IFITM10: variants seen among roughly 807,000 people sequenced by gnomAD.
The protein encoded by IFITM10 is interferon induced transmembrane protein 10.
Under a neutral mutation model 19.0 loss-of-function variants are expected in IFITM10, and 17 were observed. The ratio of observed to expected loss-of-function variants is 0.90; its 90% CI spans 0.61 to 1.34. The LOEUF (loss-of-function observed/expected upper bound fraction) is 1.34, where lower values mean the gene tolerates loss of function less well. Among genes scored for constraint, IFITM10 ranks in the 40% most tolerant of loss-of-function variants. The pLI is 0.00. For missense variants in IFITM10, 306 were observed against 319.8 expected, an observed-to-expected ratio of 0.96 and a Z score of 0.33; for synonymous variants, 148 against 147.2, an observed-to-expected ratio of 1.01 and a Z score of -0.04.
intron 2 of IFITM10, among the ~76,000 whole-genome samples, chr11:1,743,390 T>C (rs538327503): frequency 1.4e-5 from 2 of 146,164 alleles, no homozygotes; most frequent in South Asian, 2.2e-4. Context: ...GATGAATGGA[T>C]GGAAGATGGA....
At chr11:1,739,620 A>T (rs1004339517) in intron 2 of IFITM10, among the ~76,000 whole-genome samples, 17 of 152,144 alleles carry the variant, frequency 1.1e-4, no homozygotes, top group Non-Finnish European at 2.1e-4. Context: ...GTGCTGTGGG[A>T]GGTGCAAGTC....
intron 1 of IFITM10, chr11:1,748,542 A>C: frequency 3.0e-5 from 5 of 164,910 alleles, no homozygotes; most frequent in Non-Finnish European, 5.2e-5. Context: ...AGAGCGGCCA[A>C]AGCACCTGCC....
chr11:1,746,157 T>C (rs960954218), intron 2 of IFITM10: 1 of 159,122 alleles, frequency 6.3e-6, no homozygotes, highest in Non-Finnish European at 1.4e-5. Flanking sequence ...ACACACACCA[T>C]GCACACATGC....
At chr11:1,743,352 TGGAG>T (rs1489733879) in intron 2 of IFITM10, among the ~76,000 whole-genome samples, 2 of 144,080 alleles carry the variant, frequency 1.4e-5, no homozygotes, top group South Asian at 2.2e-4. Context: ...GATGGATGGA[TGGAG>T]GATGGACAGA....
intron 2 of IFITM10, among the ~76,000 whole-genome samples, chr11:1,742,990 T>TATGGGTGG (rs1554961301): frequency 1.5e-5 from 2 of 131,298 alleles, no homozygotes; most frequent in African/African-American, 5.6e-5. Context: ...TGGATGGACA[T>TATGGGTGG]ATGGATGGAT....
At chr11:1,746,611 G>A (rs1195649164) in intron 2 of IFITM10, 2 of 398,526 alleles carry the variant, frequency 5.0e-6, no homozygotes, top group Admixed American at 4.4e-5. Context: ...AACGCCGACC[G>A]CAGTTGCGAT....
chr11:1,744,291 A>T (rs1845611542), intron 2 of IFITM10: 1 of 152,266 alleles, frequency 6.6e-6, no homozygotes, highest in African/African-American at 2.4e-5. Flanking sequence ...TGGCTGGGGC[A>T]GGACTGTCTC....
rs1851129277 is a variant in IFITM10 at position 1,740,064 on chromosome 11, G to A, written c.538-4635C>T. On this transcript the variant is annotated intron_variant, in intron 2 of 2. Coordinates refer to ENST00000340134, the MANE Select transcript of IFITM10 (RefSeq NM_001170820.4). ...CGCCTGTAATCCCAGCACTTTGGGA[G>A]GCCAAGGCAGGCAGATCATGAGGTC... 1.3e-5 allele frequency among the ~76,000 whole-genome samples: 2 copies of A among 152,160 alleles called. 1 individual carries two copies. Among genetic ancestry groups the A allele is most frequent in the South Asian group, 4.1e-4 (2 of 4,830 alleles).
intron 1 of IFITM10, 174 bp from the exon 2 acceptor site, chr11:1,748,293 G>A (rs533275086): frequency 1.1e-5 from 5 of 462,962 alleles, no homozygotes; most frequent in South Asian, 1.4e-4. Flanking sequence ...GGCCACGGAC[G>A]ATGCCAAAGC....
chr11:1,744,709 T>G (rs1845616467), intron 2 of IFITM10: 1 of 152,440 alleles, frequency 6.6e-6, no homozygotes, highest in Non-Finnish European at 1.5e-5. Flanking sequence ...ACTGTCTAGT[T>G]CATACCACTG....
chr11:1,745,666 C>G (rs898930986), intron 2 of IFITM10: 2 of 152,404 alleles, frequency 1.3e-5, no homozygotes, highest in African/African-American at 4.8e-5. Context: ...GAACCACACA[C>G]GTGTGATTAC....
intron 1 of IFITM10, 124 bp downstream of exon 1, chr11:1,750,235 T>A: frequency 6.6e-7 from 1 of 1,506,358 alleles, no homozygotes; most frequent in Non-Finnish European, 9.0e-7. Context: ...CGCCAGCTGA[T>A]CTTCCATCCC....
chr11:1,746,560 C>T (rs138472254), intron 2 of IFITM10: 17 of 398,602 alleles, frequency 4.3e-5, no homozygotes, highest in Admixed American at 1.3e-4. Flanking sequence ...CAGTGGGCAA[C>T]GCCGGGGTTG....
intron 1 of IFITM10, chr11:1,748,520 G>C (rs1281883523): frequency 3.8e-5 from 7 of 185,278 alleles, no homozygotes; most frequent in Admixed American, 3.1e-4. Context: ...GCCGCCAACC[G>C]GCAGAGCTAG....
At chr11:1,745,397 C>T (rs1845627257) in intron 2 of IFITM10, 1 of 152,272 alleles carries the variant, frequency 6.6e-6, no homozygotes, top group Non-Finnish European at 1.5e-5. Context: ...GCTTTCTGCT[C>T]AGGATTGGTC....
chr11:1,738,216 T>G (rs889340779), intron 2 of IFITM10, among the ~76,000 whole-genome samples: 5 of 152,008 alleles, frequency 3.3e-5, no homozygotes, highest in Non-Finnish European at 7.4e-5. Context: ...AGAGCTGAAT[T>G]TATGAATACA....
In IFITM10 at chr11:1,747,577, G is replaced by A; in HGVS notation, c.537+90C>T. The A allele has an allele frequency of 7.7e-6, 9 of 1,167,562 alleles. No homozygotes were observed. The South Asian group carries it at 1.3e-4, about 17-fold the overall frequency. The allele number at this position is 1,167,562 out of a possible 1,614,324, so 72.3% of individuals were successfully genotyped here. A position where few individuals can be genotyped will look rare whatever the true frequency, so the allele number is the denominator to read the frequency against. On this transcript the variant is annotated intron_variant, in intron 2 of 2. Transcript: ENST00000340134. ...TTCTACCCGTGTGCTCCCCTGAGAG[G>A]GAGAGGGGCCGAGCGCCCACAGCCA...
intron 2 of IFITM10, among the ~76,000 whole-genome samples, chr11:1,743,179 G>A (rs1017855337): frequency 6.6e-6 from 1 of 151,562 alleles, no homozygotes; most frequent in African/African-American, 2.4e-5. Context: ...ATGGACAGAT[G>A]AAGAATGGAC....
intron 1 of IFITM10, 112 bp downstream of exon 1, chr11:1,750,247 A>T (rs898858146): frequency 2.0e-6 from 3 of 1,529,050 alleles, no homozygotes; most frequent in Non-Finnish European, 2.7e-6. Context: ...TTCCATCCCC[A>T]TAACAGTCCC....
Sources: allele counts gnomAD v4.1 joint callset (sites outside exome capture counted in the v4.1 genomes callset), GRCh38; gene constraint gnomAD v4.1.1; transcripts MANE v1.5; gene names NCBI Gene and HGNC (gene_info 2026-07-23, HGNC 2026-07-21).